The following UMAD1 variants were observed in gnomAD, a reference collection of about 807,000 sequenced individuals.
UMAD1 encodes the protein UBAP1-MVB12-associated (UMA) domain containing 1.
A neutral mutation model predicts 6.1 loss-of-function variants in UMAD1; 8 were observed. That is an observed-to-expected ratio of 1.30 (90% CI 0.76 to 2.35). UMAD1 has a LOEUF of 2.35. UMAD1 is among the 30% of genes most tolerant of loss of function. The pLI, the probability that UMAD1 is intolerant of heterozygous loss-of-function variation, is 0.00. For synonymous variants in UMAD1, 56 were observed against 31.4 expected, an observed-to-expected ratio of 1.78 and a Z score of -2.61; for missense variants, 130 against 78.4, an observed-to-expected ratio of 1.66 and a Z score of -2.49.
chr7:7,795,478 A>G lies in UMAD1; in HGVS notation c.83-6192A>G, dbSNP rs1424959079. ...GGGGAGGGTTCTTAGATCTCCTGCA[A>G]GAAAGAATTTGGGGTGAGTCCACAG... On this transcript the variant is annotated intron_variant, in intron 2 of 3. Coordinates refer to ENST00000682710, the MANE Select transcript of UMAD1 (RefSeq NM_001302348.2). Among the ~76,000 whole-genome samples the G allele has an allele frequency of 2.0e-5, 3 of 152,228 alleles. No homozygotes were observed. In the East Asian group the frequency reaches 5.8e-4, roughly 29 times the overall value.
chr7:7,719,635 A>G (rs1463770739), intron 2 of UMAD1, among the ~76,000 whole-genome samples: 2 of 146,898 alleles, frequency 1.4e-5, no homozygotes, highest in Non-Finnish European at 3.0e-5. Flanking sequence ...AGCCATGGAA[A>G]GTAGTAGTTT....
intron 3 of UMAD1, among the ~76,000 whole-genome samples, chr7:7,803,521 G>C (rs552663669): frequency 6.6e-6 from 1 of 152,150 alleles, no homozygotes; most frequent in Non-Finnish European, 1.5e-5. Flanking sequence ...CACCAGGATG[G>C]TTCAAAAATC....
At chr7:7,774,481 C>G (rs1782162041) in intron 2 of UMAD1, among the ~76,000 whole-genome samples, 1 of 152,064 alleles carries the variant, frequency 6.6e-6, no homozygotes, top group African/African-American at 2.4e-5. Context: ...TTCTACATAC[C>G]AAACAAGTTG....
intron 3 of UMAD1, among the ~76,000 whole-genome samples, chr7:7,850,319 G>A (rs538762274): frequency 6.6e-6 from 1 of 151,932 alleles, no homozygotes; most frequent in South Asian, 2.1e-4. Flanking sequence ...TATATCCAAT[G>A]GAATTGAGAT....
intron 3 of UMAD1, among the ~76,000 whole-genome samples, chr7:7,870,334 C>G (rs1412710294): frequency 6.6e-6 from 1 of 152,120 alleles, no homozygotes; most frequent in African/African-American, 2.4e-5. Flanking sequence ...AAACTATACT[C>G]AGAAACATTA....
At chr7:7,669,160 C>A (rs1779542139) in intron 1 of UMAD1, among the ~76,000 whole-genome samples, 1 of 151,700 alleles carries the variant, frequency 6.6e-6, no homozygotes, top group African/African-American at 2.4e-5. Context: ...AAAAAACATA[C>A]TGTATATAGG....
At chr7:7,800,521 G>T (rs1782778191) in intron 2 of UMAD1, among the ~76,000 whole-genome samples, 1 of 135,870 alleles carries the variant, frequency 7.4e-6, no homozygotes, top group South Asian at 2.5e-4. Flanking sequence ...TGATTTCTGA[G>T]ATTTTGGTGC....
At chr7:7,835,784 T>G (rs1344042080) in intron 3 of UMAD1, among the ~76,000 whole-genome samples, 1 of 152,058 alleles carries the variant, frequency 6.6e-6, no homozygotes. Context: ...TTAGGTTTTC[T>G]GAGGTTTTGT....
chr7:7,853,200 A>T (rs757250714), intron 3 of UMAD1, among the ~76,000 whole-genome samples: 1 of 152,230 alleles, frequency 6.6e-6, no homozygotes, highest in Non-Finnish European at 1.5e-5. Flanking sequence ...CTCTCTGCTT[A>T]TGTCAATACC....
chr7:7,697,061 G>A (rs767217909), intron 2 of UMAD1, among the ~76,000 whole-genome samples: 1 of 151,972 alleles, frequency 6.6e-6, no homozygotes, highest in Non-Finnish European at 1.5e-5. Context: ...CAGCAGGAAC[G>A]GTCTTGTGGT....
intron 1 of UMAD1, among the ~76,000 whole-genome samples, chr7:7,658,429 A>G (rs1785396731): frequency 6.6e-6 from 1 of 152,204 alleles, no homozygotes; most frequent in South Asian, 2.1e-4. Flanking sequence ...CCCATTCAGT[A>G]TGATATTGGC....
At chr7:7,843,926 C>G (rs1208919491) in intron 3 of UMAD1, among the ~76,000 whole-genome samples, 1 of 152,132 alleles carries the variant, frequency 6.6e-6, no homozygotes, top group South Asian at 2.1e-4. Context: ...CCCTTGCCTG[C>G]CATGCTATAT....
intron 2 of UMAD1, among the ~76,000 whole-genome samples, chr7:7,792,271 G>A (rs1314056949): frequency 6.6e-6 from 1 of 152,098 alleles, no homozygotes; most frequent in African/African-American, 2.4e-5. Flanking sequence ...AGCTGTTCCT[G>A]TTCTTGGCTC....
intron 1 of UMAD1, among the ~76,000 whole-genome samples, chr7:7,665,012 T>TAC (rs1177762390): frequency 6.6e-6 from 1 of 152,098 alleles, no homozygotes; most frequent in African/African-American, 2.4e-5. Flanking sequence ...GATATATATA[T>TAC]ATACACACAC....
chr7:7,756,278 A>C (rs898696874), intron 2 of UMAD1, among the ~76,000 whole-genome samples: 14 of 152,200 alleles, frequency 9.2e-5, no homozygotes, highest in Non-Finnish European at 2.1e-4. Flanking sequence ...TGAATTGACC[A>C]AAAAAGAGCT....
chr7:7,657,991 G>A (rs1449503779), intron 1 of UMAD1, among the ~76,000 whole-genome samples: 1 of 152,148 alleles, frequency 6.6e-6, no homozygotes, highest in Non-Finnish European at 1.5e-5. Context: ...ATTTCCTTGA[G>A]CAGTGGTTTA....
At chr7:7,788,318 G>C (rs1782497649) in intron 2 of UMAD1, among the ~76,000 whole-genome samples, 1 of 152,134 alleles carries the variant, frequency 6.6e-6, no homozygotes, top group African/African-American at 2.4e-5. Flanking sequence ...ATTGTTAGCT[G>C]GTTGAAATCT....
At chr7:7,845,779 A>G (rs1013721294) in intron 3 of UMAD1, among the ~76,000 whole-genome samples, 1 of 152,126 alleles carries the variant, frequency 6.6e-6, no homozygotes, top group African/African-American at 2.4e-5. Flanking sequence ...ACCGTAGTAG[A>G]GTTTTCAAAT....
intron 2 of UMAD1, among the ~76,000 whole-genome samples, chr7:7,730,377 C>T (rs1482220233): frequency 2.0e-5 from 3 of 152,140 alleles, no homozygotes; most frequent in African/African-American, 7.2e-5. Flanking sequence ...GATGGAGAAC[C>T]ACGTGCTAAT....
Sources: allele counts gnomAD v4.1 joint callset (sites outside exome capture counted in the v4.1 genomes callset), GRCh38; gene constraint gnomAD v4.1.1; transcripts MANE v1.5; gene names NCBI Gene and HGNC (gene_info 2026-07-23, HGNC 2026-07-21).